Variants in NPAS3 observed in about 807,000 individuals in gnomAD.
NPAS3 encodes neuronal PAS domain protein 3, also known as neuronal PAS domain-containing protein 3.
In NPAS3, 14 loss-of-function variants were observed where a neutral mutation model predicts 73.1. That is an observed-to-expected ratio of 0.19 (90% CI 0.13 to 0.30). The LOEUF is 0.30. NPAS3 is among the 10% of genes least tolerant of loss of function. The pLI is 1.00. For missense variants in NPAS3, 1,096 were observed against 1,250.0 expected (o/e 0.88, Z 1.86); for synonymous variants, 620 against 541.5 (o/e 1.14, Z -2.01).
intron 5 of NPAS3, among the ~76,000 whole-genome samples, chr14:33,567,386 A>G (rs2056010418): frequency 6.6e-6 from 1 of 152,220 alleles, no homozygotes; most frequent in Non-Finnish European, 1.5e-5. Context: ...CAGCATTTTA[A>G]TTTAATGTTG....
At chr14:33,290,318 G>A (rs942254787) in intron 3 of NPAS3, among the ~76,000 whole-genome samples, 3 of 152,162 alleles carry the variant, frequency 2.0e-5, no homozygotes, top group Non-Finnish European at 4.4e-5. Flanking sequence ...TGGAATGGAA[G>A]TGGAGAGGAA....
intron 3 of NPAS3, among the ~76,000 whole-genome samples, chr14:33,332,421 C>A (rs1261998786): frequency 6.6e-6 from 1 of 152,096 alleles, no homozygotes; most frequent in African/African-American, 2.4e-5. Flanking sequence ...TAGTTAGACA[C>A]CTTGGAAAGC....
At chr14:33,108,249 A>C (rs546340738) in intron 2 of NPAS3, among the ~76,000 whole-genome samples, 5 of 146,492 alleles carry the variant, frequency 3.4e-5, no homozygotes, top group Non-Finnish European at 5.9e-5. Flanking sequence ...GCTGGAGTGC[A>C]GTGGCATAAT....
chr14:33,261,259 G>A (rs2048966191), intron 3 of NPAS3, among the ~76,000 whole-genome samples: 1 of 151,162 alleles, frequency 6.6e-6, no homozygotes. Context: ...TTAATCAAAT[G>A]GAATATTTTT....
intron 4 of NPAS3, among the ~76,000 whole-genome samples, chr14:33,530,061 A>C (rs2053973189): frequency 6.6e-6 from 1 of 152,120 alleles, no homozygotes; most frequent in South Asian, 2.1e-4. Context: ...TTTTAGTGAT[A>C]AACATACTTT....
At chr14:33,492,287 A>C (rs1250757690) in intron 4 of NPAS3, among the ~76,000 whole-genome samples, 2 of 152,172 alleles carry the variant, frequency 1.3e-5, no homozygotes, top group African/African-American at 4.8e-5. Context: ...CTGTGATAAT[A>C]GGCACATCTG....
intron 2 of NPAS3, among the ~76,000 whole-genome samples, chr14:33,177,592 C>CA (rs1189900619): frequency 6.6e-6 from 1 of 152,186 alleles, no homozygotes; most frequent in Non-Finnish European, 1.5e-5. Context: ...AATCCACTGC[C>CA]AAATCCAAGG....
At chr14:33,227,344 C>T (rs936134657) in intron 3 of NPAS3, among the ~76,000 whole-genome samples, 5 of 152,104 alleles carry the variant, frequency 3.3e-5, no homozygotes, top group African/African-American at 4.8e-5. Context: ...TGTTGCTATA[C>T]GAACAACTCC....
At chr14:33,163,125 A>G (rs2044970122) in intron 2 of NPAS3, among the ~76,000 whole-genome samples, 2 of 152,168 alleles carry the variant, frequency 1.3e-5, no homozygotes, top group Non-Finnish European at 2.9e-5. Flanking sequence ...TCATTATTTA[A>G]TCTTATTTTG....
chr14:33,060,752 G>A (rs780010915), intron 2 of NPAS3, among the ~76,000 whole-genome samples: 18 of 152,166 alleles, frequency 1.2e-4, no homozygotes, highest in Non-Finnish European at 2.5e-4. Context: ...AGCTGATGGT[G>A]TTACTGTTCT....
At chr14:33,679,265 T>TTCTA (rs1261136786) in intron 6 of NPAS3, among the ~76,000 whole-genome samples, 2 of 152,168 alleles carry the variant, frequency 1.3e-5, no homozygotes, top group African/African-American at 2.4e-5. Context: ...GTTGGTTATT[T>TTCTA]TCTATCTGGG....
At chr14:33,055,930 A>T (rs1366425548) in exon 2 of NPAS3, 3 of 810,254 alleles carry the variant, frequency 3.7e-6, no homozygotes, top group Non-Finnish European at 6.4e-6. Context: ...TCCTCTGCCC[A>T]ACCAATCAGA....
At chr14:33,735,672 T>C (rs978798497) in intron 7 of NPAS3, among the ~76,000 whole-genome samples, 4 of 152,166 alleles carry the variant, frequency 2.6e-5, no homozygotes, top group African/African-American at 9.7e-5. Context: ...CTAGGACTGC[T>C]ACTTAGGAGA....
At chr14:33,369,213 A>G (rs1566839133) in intron 4 of NPAS3, among the ~76,000 whole-genome samples, 1 of 152,056 alleles carries the variant, frequency 6.6e-6, no homozygotes, top group South Asian at 2.1e-4. Flanking sequence ...CAGACACCAC[A>G]CTATGGTTGC....
chr14:33,332,381 T>C (rs2044026439), intron 3 of NPAS3, among the ~76,000 whole-genome samples: 1 of 152,192 alleles, frequency 6.6e-6, no homozygotes, highest in South Asian at 2.1e-4. Context: ...CTATTTTTCT[T>C]TTCAAATATT....
intron 2 of NPAS3, among the ~76,000 whole-genome samples, chr14:33,127,807 A>G (rs894606022): frequency 6.6e-6 from 1 of 152,138 alleles, no homozygotes; most frequent in Non-Finnish European, 1.5e-5. Context: ...CTGTGAATAA[A>G]CACTCTTCTG....
intron 10 of NPAS3, among the ~76,000 whole-genome samples, chr14:33,794,504 C>G (rs1265747260): frequency 1.3e-5 from 2 of 152,072 alleles, no homozygotes; most frequent in Non-Finnish European, 2.9e-5. Flanking sequence ...CCTTTGATGC[C>G]CTTAGCATAT....
chr14:32,947,093 A>G (rs1397502920), intron 1 of NPAS3, among the ~76,000 whole-genome samples: 1 of 152,190 alleles, frequency 6.6e-6, no homozygotes, highest in East Asian at 1.9e-4. Flanking sequence ...ATATTTCATT[A>G]TATCTGATGA....
chr14:33,096,719 A>T (rs2042430340), intron 2 of NPAS3, among the ~76,000 whole-genome samples: 1 of 152,168 alleles, frequency 6.6e-6, no homozygotes, highest in Non-Finnish European at 1.5e-5. Context: ...GCAGTTTCTG[A>T]GATGAAGAAT....
Sources: allele counts gnomAD v4.1 joint callset (sites outside exome capture counted in the v4.1 genomes callset), GRCh38; gene constraint gnomAD v4.1.1; transcripts MANE v1.5; gene names NCBI Gene and HGNC (gene_info 2026-07-23, HGNC 2026-07-21).